Variants in FAM135B observed in about 807,000 individuals in gnomAD.
FAM135B encodes family with sequence similarity 135 member B.
FAM135B carries 43 observed loss-of-function variants against 127.7 expected under a neutral mutation model. The observed-to-expected ratio is 0.34, with a 90% CI of 0.26 to 0.43. The LOEUF is 0.43. FAM135B is among the 20% of genes least tolerant of loss of function. The pLI is 1.00. For missense variants in FAM135B, 1,558 were observed against 1,725.6 expected, an observed-to-expected ratio of 0.90 and a Z score of 1.72; for synonymous variants, 670 against 665.1, an observed-to-expected ratio of 1.01 and a Z score of -0.11.
intron 1 of FAM135B, among the ~76,000 whole-genome samples, chr8:138,380,257 G>A (rs114748852): frequency 0.015 from 2,233 of 152,002 alleles, 46 homozygotes; most frequent in African/African-American, 0.052. Context: ...GAGCGTAGTG[G>A]TGCGATCTTG....
chr8:138,444,296 C>A (rs530570893), intron 1 of FAM135B, among the ~76,000 whole-genome samples: 6 of 152,042 alleles, frequency 3.9e-5, no homozygotes, highest in Admixed American at 1.3e-4. Context: ...CTGCACCAAG[C>A]GGACCTAATA....
At chr8:138,422,925 G>A (rs1030141165) in intron 1 of FAM135B, among the ~76,000 whole-genome samples, 9 of 152,094 alleles carry the variant, frequency 5.9e-5, no homozygotes, top group Non-Finnish European at 7.4e-5. Context: ...CATGGAATAC[G>A]ATGCAATCAT....
intron 7 of FAM135B, among the ~76,000 whole-genome samples, chr8:138,204,289 G>A (rs1003672836): frequency 3.9e-5 from 6 of 152,152 alleles, no homozygotes; most frequent in African/African-American, 7.2e-5. Context: ...CCAAGATGCA[G>A]GTCAAATGTC....
chr8:138,407,135 C>A (rs920555795), intron 1 of FAM135B, among the ~76,000 whole-genome samples: 5 of 151,026 alleles, frequency 3.3e-5, no homozygotes, highest in African/African-American at 7.3e-5. Flanking sequence ...AGAGCCAAAT[C>A]ATGAGTGAAC....
intron 5 of FAM135B, 143 bp from the exon 6 acceptor site, chr8:138,251,157 G>T: frequency 3.1e-6 from 3 of 981,004 alleles, no homozygotes; most frequent in Non-Finnish European, 4.5e-6. Context: ...CTGCCTGGTA[G>T]AAATCATTTT....
chr8:138,188,073 G>A (rs1462798818), intron 9 of FAM135B, among the ~76,000 whole-genome samples: 2 of 152,166 alleles, frequency 1.3e-5, no homozygotes, highest in East Asian at 1.9e-4. Context: ...AGCTGAGGAC[G>A]CCTTCAACTG....
At position 138,167,886 on chromosome 8, in the gene FAM135B, C is replaced by T. The variant is rs1820084283; in HGVS notation, c.1258+9G>A. 2.5e-6 allele frequency: 4 copies of T among 1,599,642 alleles called. No individual in the cohort carries two copies. Among genetic ancestry groups the T allele is most frequent in the South Asian group, 2.2e-5 (2 of 89,142 alleles). On this transcript the variant is annotated intron_variant, in intron 12 of 19. Transcript: ENST00000395297. ...ATTCCTGAGTCTTTCCAAAACAAAA[C>T]AGACAAACCTGTCGCAGGGCAGTCC...
At chr8:138,245,776 T>A (rs1481556196) in intron 6 of FAM135B, among the ~76,000 whole-genome samples, 1 of 152,132 alleles carries the variant, frequency 6.6e-6, no homozygotes, top group Admixed American at 6.5e-5. Context: ...TTGGAACAGT[T>A]TGAAGGGCTC....
chr8:138,186,478 A>G (rs1815591654), intron 9 of FAM135B, among the ~76,000 whole-genome samples: 1 of 152,098 alleles, frequency 6.6e-6, no homozygotes, highest in African/African-American at 2.4e-5. Context: ...GGAGCTGGCG[A>G]TGCTCTACCT....
intron 1 of FAM135B, among the ~76,000 whole-genome samples, chr8:138,429,397 C>T (rs1835075711): frequency 1.3e-5 from 2 of 152,148 alleles, no homozygotes; most frequent in Non-Finnish European, 2.9e-5. Context: ...ATCCTTGTGG[C>T]TACCACCATT....
intron 1 of FAM135B, among the ~76,000 whole-genome samples, chr8:138,487,235 A>G (rs920686877): frequency 6.6e-6 from 1 of 152,274 alleles, no homozygotes; most frequent in South Asian, 2.1e-4. Context: ...TGTGAAGTCC[A>G]TGCAGGGACA....
intron 1 of FAM135B, among the ~76,000 whole-genome samples, chr8:138,489,080 G>A (rs772118313): frequency 6.6e-6 from 1 of 152,132 alleles, no homozygotes; most frequent in Non-Finnish European, 1.5e-5. Flanking sequence ...CAGGTTCTCA[G>A]TTATCATCTA....
Position 138,310,938 on chromosome 8 carries a change from G to A in FAM135B, c.78-18C>T, listed in dbSNP as rs777221748. 1.2e-6 allele frequency: 2 copies of A among 1,601,638 alleles called. No homozygotes were observed. The highest frequency in any genetic ancestry group is 1.7e-6 in the Non-Finnish European group (2 of 1,171,598). On this transcript the variant is annotated intron_variant, in intron 2 of 19. Coordinates refer to ENST00000395297, the MANE Select transcript of FAM135B (RefSeq NM_015912.4). ...GGTAATACCTAAGAAAAGAGAAGAGGACAGGGTGCTGAAGATCAGCCTTCT... is the reference window on the plus strand; with the variant it reads ...GGTAATACCTAAGAAAAGAGAAGAGAACAGGGTGCTGAAGATCAGCCTTCT...
chr8:138,435,832 C>G (rs1383030251), intron 1 of FAM135B, among the ~76,000 whole-genome samples: 1 of 152,100 alleles, frequency 6.6e-6, no homozygotes, highest in East Asian at 1.9e-4. Context: ...GTGACTTAAG[C>G]AAAGGAGGGG....
At chr8:138,453,660 C>T (rs1836617609) in intron 1 of FAM135B, among the ~76,000 whole-genome samples, 2 of 152,190 alleles carry the variant, frequency 1.3e-5, no homozygotes, top group African/African-American at 4.8e-5. Flanking sequence ...CTCCATAGAA[C>T]CAGCAGGGTC....
At chr8:138,472,543 G>A (rs1837738615) in intron 1 of FAM135B, among the ~76,000 whole-genome samples, 1 of 152,094 alleles carries the variant, frequency 6.6e-6, no homozygotes, top group Non-Finnish European at 1.5e-5. Context: ...CGTGGTGGGA[G>A]GTAGACAACG....
At position 138,152,358 on chromosome 8, in the gene FAM135B, T is replaced by G. The variant is rs778482232; in HGVS notation, c.2117A>C (p.Glu706Ala). Residue 706 changes from glutamate to alanine, a missense_variant, in exon 13 of 20, where the codon GAG (glutamate) becomes GCG (alanine). Transcript: ENST00000395297. ...AWSEARSRAL[E>A]LPSDREVLHP... ...CAAGACTTCCCGATCACTGGGCAACTCCAGAGCCCTGCTTCGGGCCTCTGA... is the reference window on the plus strand; with the variant it reads ...CAAGACTTCCCGATCACTGGGCAACGCCAGAGCCCTGCTTCGGGCCTCTGA... The G allele has an allele frequency of 6.2e-7, 1 of 1,614,046 alleles. No individual in the cohort carries two copies. The highest frequency in any genetic ancestry group is 1.3e-5 in the African/African-American group (1 of 74,920).
chr8:138,146,208 C>T (rs367718074), intron 14 of FAM135B, among the ~76,000 whole-genome samples, 158 bp from the exon 15 acceptor site: 9 of 152,238 alleles, frequency 5.9e-5, no homozygotes, highest in Admixed American at 3.9e-4. Flanking sequence ...CAGCTAGAAA[C>T]CCCGGCTCTC....
intron 1 of FAM135B, among the ~76,000 whole-genome samples, chr8:138,418,722 A>G (rs1834312916): frequency 6.6e-6 from 1 of 152,192 alleles, no homozygotes; most frequent in African/African-American, 2.4e-5. Context: ...AGGATAAATA[A>G]AATCCTTTTC....
Sources: allele counts gnomAD v4.1 joint callset (sites outside exome capture counted in the v4.1 genomes callset), GRCh38; gene constraint gnomAD v4.1.1; transcripts MANE v1.5; gene names NCBI Gene and HGNC (gene_info 2026-07-23, HGNC 2026-07-21).